Variants in CSMD1 observed in about 807,000 individuals in gnomAD.
The protein encoded by CSMD1 is CUB and Sushi multiple domains 1.
A neutral mutation model predicts 417.5 loss-of-function variants in CSMD1; 213 were observed. The observed-to-expected ratio is 0.51, with a 90% CI of 0.46 to 0.57. The LOEUF (loss-of-function observed/expected upper bound fraction) is 0.57. Among genes scored for constraint, CSMD1 ranks in the 20% least tolerant of loss-of-function variants. CSMD1 has a pLI of 0.00. For missense variants in CSMD1, 6,923 were observed against 4,529.7 expected (o/e 1.53, Z -15.17); for synonymous variants, 2,862 against 1,736.8 (o/e 1.65, Z -16.11).
intron 3 of CSMD1, among the ~76,000 whole-genome samples, chr8:4,251,796 AAGATGGAGAAGGAC>A (rs1563337909): frequency 6.7e-6 from 1 of 150,300 alleles, no homozygotes; most frequent in Non-Finnish European, 1.5e-5. Flanking sequence ...TGGAGGAGGA[AAGATGGAGAAGGAC>A]AGATGGAGGA....
At chr8:4,253,871 C>A (rs545637381) in intron 3 of CSMD1, among the ~76,000 whole-genome samples, 1 of 144,622 alleles carries the variant, frequency 6.9e-6, no homozygotes, top group African/African-American at 2.5e-5. Context: ...CTGGTCTTAT[C>A]TACAAAGAGA....
At chr8:4,064,106 A>T (rs954502238) in intron 3 of CSMD1, among the ~76,000 whole-genome samples, 1 of 152,202 alleles carries the variant, frequency 6.6e-6, no homozygotes, top group Non-Finnish European at 1.5e-5. Flanking sequence ...ACTCTCCTGC[A>T]GCAAAGGGTC....
intron 3 of CSMD1, among the ~76,000 whole-genome samples, chr8:4,156,176 T>C (rs1260169331): frequency 6.6e-6 from 1 of 152,164 alleles, no homozygotes; most frequent in African/African-American, 2.4e-5. Flanking sequence ...GTGAGGGGTG[T>C]GGGAACAAGG....
intron 1 of CSMD1, among the ~76,000 whole-genome samples, chr8:4,688,060 G>A (rs1030663790): frequency 7.2e-5 from 11 of 152,090 alleles, no homozygotes; most frequent in African/African-American, 2.7e-4. Context: ...TTGCCCTATG[G>A]CTCAGTTCAC....
intron 3 of CSMD1, among the ~76,000 whole-genome samples, chr8:4,411,878 A>G (rs1334568776): frequency 6.6e-6 from 1 of 152,096 alleles, no homozygotes; most frequent in African/African-American, 2.4e-5. Flanking sequence ...TTTCACTTTA[A>G]TGTACCATGC....
chr8:4,242,129 T>A (rs1384368074), intron 3 of CSMD1, among the ~76,000 whole-genome samples: 1 of 152,240 alleles, frequency 6.6e-6, no homozygotes, highest in Admixed American at 6.5e-5. Context: ...AAGAATTATA[T>A]GTCTTTCTTA....
chr8:3,181,054 TA>T (rs777218900), intron 37 of CSMD1, 55 bp downstream of exon 37: 13 of 1,075,020 alleles, frequency 1.2e-5, no homozygotes, highest in Non-Finnish European at 1.4e-5. Context: ...ATTTTTTCTT[TA>T]AAAAAATGAC....
chr8:3,595,144 C>G (rs1221432449), intron 8 of CSMD1, among the ~76,000 whole-genome samples: 1 of 152,154 alleles, frequency 6.6e-6, no homozygotes, highest in Non-Finnish European at 1.5e-5. Flanking sequence ...GGAACTTGGA[C>G]AATTCACCGG....
intron 3 of CSMD1, among the ~76,000 whole-genome samples, chr8:4,417,745 A>T (rs552356996): frequency 6.6e-6 from 1 of 152,008 alleles, no homozygotes; most frequent in African/African-American, 2.4e-5. Flanking sequence ...CTCTAAATCA[A>T]CTTGAAACAT....
At chr8:4,531,423 T>G (rs1796812878) in intron 2 of CSMD1, among the ~76,000 whole-genome samples, 1 of 152,216 alleles carries the variant, frequency 6.6e-6, no homozygotes, top group Non-Finnish European at 1.5e-5. Flanking sequence ...TCAACTCTAT[T>G]GATTGCTTTC....
intron 2 of CSMD1, among the ~76,000 whole-genome samples, chr8:4,629,517 A>T (rs1050427357): frequency 6.6e-6 from 1 of 152,180 alleles, no homozygotes; most frequent in Non-Finnish European, 1.5e-5. Flanking sequence ...AAATTAAGAG[A>T]AACAATTCTT....
At chr8:4,127,774 AT>A (rs1329206670) in intron 3 of CSMD1, among the ~76,000 whole-genome samples, 2 of 152,214 alleles carry the variant, frequency 1.3e-5, no homozygotes, top group Non-Finnish European at 2.9e-5. Context: ...ATATTGTCTC[AT>A]TTAATCTTTA....
intron 25 of CSMD1, among the ~76,000 whole-genome samples, chr8:3,302,329 C>T (rs75621922): frequency 0.016 from 2,447 of 152,202 alleles, 30 homozygotes; most frequent in Middle Eastern, 0.034. Flanking sequence ...ATATCTCCAT[C>T]GTTCTCATCA....
intron 3 of CSMD1, among the ~76,000 whole-genome samples, chr8:4,335,188 G>A (rs762445061): frequency 2.0e-5 from 3 of 152,072 alleles, no homozygotes; most frequent in African/African-American, 7.2e-5. Flanking sequence ...ACAGGTGTGA[G>A]CCACCATGGC....
At chr8:3,941,668 C>A (rs1244165335) in intron 5 of CSMD1, among the ~76,000 whole-genome samples, 2 of 152,112 alleles carry the variant, frequency 1.3e-5, no homozygotes, top group Admixed American at 6.6e-5. Flanking sequence ...CAAGCCCACG[C>A]AGAGTTTGAC....
intron 25 of CSMD1, among the ~76,000 whole-genome samples, chr8:3,297,010 G>T (rs559330442): frequency 1.1e-4 from 16 of 152,122 alleles, no homozygotes; most frequent in African/African-American, 3.9e-4. Context: ...TGAAATCTTC[G>T]AAGTTCTTAG....
rs116199222 is a variant in CSMD1, at chr8:3,745,136, T to C, written c.931+8794A>G. 7.7e-3 allele frequency among the ~76,000 whole-genome samples: 1,180 copies of C among 152,344 alleles called. 14 individuals carry two copies. Among genetic ancestry groups the C allele is most frequent in the African/African-American group, 0.027 (1,122 of 41,592 alleles). ...CTTGAGAAAGCAAAGCTCTTACTAC[T>C]TTCAAAACAAATTTCAAAATATCTA... is the stretch of plus-strand genomic sequence containing the variant. On this transcript the variant is annotated intron_variant, in intron 6 of 69. Coordinates refer to ENST00000635120, the MANE Select transcript of CSMD1 (RefSeq NM_033225.6).
intron 3 of CSMD1, among the ~76,000 whole-genome samples, chr8:4,114,326 A>G (rs971570117): frequency 1.3e-5 from 2 of 152,206 alleles, no homozygotes; most frequent in Non-Finnish European, 2.9e-5. Context: ...ATGAGACCAC[A>G]TCTGTTTACA....
intron 45 of CSMD1, 156 bp from the exon 46 acceptor site, chr8:3,106,797 C>T (rs369302461): frequency 3.1e-4 from 153 of 501,216 alleles, no homozygotes; most frequent in African/African-American, 2.5e-3. Flanking sequence ...AAAAATAATA[C>T]CGTTTTAAGT....
Sources: allele counts gnomAD v4.1 joint callset (sites outside exome capture counted in the v4.1 genomes callset), GRCh38; gene constraint gnomAD v4.1.1; transcripts MANE v1.5; gene names NCBI Gene and HGNC (gene_info 2026-07-23, HGNC 2026-07-21).